The following CYB5D1 variants were observed in gnomAD, a reference collection of about 807,000 sequenced individuals.
CYB5D1 encodes cytochrome b5 domain containing 1, also known as cytochrome b5 domain-containing protein 1.
In CYB5D1, 30 loss-of-function variants were observed where a neutral mutation model predicts 24.3. That is an observed-to-expected ratio of 1.23 (90% CI 0.92 to 1.67). The LOEUF (loss-of-function observed/expected upper bound fraction) is 1.67, where lower values mean the gene tolerates loss of function less well. CYB5D1 is among the 40% of genes most tolerant of loss of function. The pLI is 0.00. For missense variants in CYB5D1, 265 were observed against 296.7 expected (o/e 0.89, Z 0.79); for synonymous variants, 128 against 123.2 (o/e 1.04, Z -0.26).
rs1179321063 is a variant in CYB5D1 at position 7,860,895 on chromosome 17, G to A, written c.*1283G>A. The A allele has an allele frequency of 6.6e-6, 1 of 152,178 alleles. No homozygotes were observed. Among genetic ancestry groups the A allele is most frequent in the Non-Finnish European group, 1.5e-5 (1 of 68,048 alleles). 9.4% of individuals were successfully genotyped at this position (152,178 alleles called of 1,614,324 possible). On this transcript the variant is annotated 3_prime_UTR_variant, in exon 4 of 4. Transcript: ENST00000332439. Reference sequence around the variant, plus strand: ...TTTACTAACTTGAAGGAAAACTAGAGTGGGGAAAAGGCCGGCAAATTAGTG... The same window carrying A: ...TTTACTAACTTGAAGGAAAACTAGAATGGGGAAAAGGCCGGCAAATTAGTG...
rs773368286 is a variant in CYB5D1, at chr17:7,858,251, G to A, written c.117G>A (p.Leu39=). The A allele has an allele frequency of 1.2e-6, 2 of 1,614,074 alleles. No homozygotes were observed. The highest frequency in any genetic ancestry group is 2.2e-5 in the South Asian group (2 of 91,088). The part of the protein sequence containing the change: ...NRPEDLWVSY[L]GRVYDLTSLA... ...CCGAAGACCTCTGGGTATCTTACCT[G>A]GGACGCGTGTACGACCTAACGTCAT... The change falls in exon 1 of 4, where the codon CTG becomes CTA. Residue 39 remains leucine (L), a synonymous_variant. Coordinates refer to ENST00000332439, the MANE Select transcript of CYB5D1 (RefSeq NM_144607.6).
Position 7,859,503 on chromosome 17 carries a change from A to G in CYB5D1, c.578A>G (p.Glu193Gly), listed in dbSNP as rs765016870. 3 of 1,614,212 alleles carry G rather than the reference A, an allele frequency of 1.9e-6. No homozygotes were observed. The highest frequency in any genetic ancestry group is 2.5e-6 in the Non-Finnish European group (3 of 1,180,038). Residue 193 changes from glutamate to glycine, a missense_variant, in exon 4 of 4, where the codon GAG becomes GGG. Glu to Gly is a moderately conservative substitution (Grantham distance 98, BLOSUM62 -2). Transcript: ENST00000332439. ...KNLNMDFTLEENGIRDEEEEF... is the reference protein window; with the variant it reads ...KNLNMDFTLEGNGIRDEEEEF... ...CTGAACATGGATTTTACCCTGGAAG[A>G]GAATGGGATCCGGGATGAGGAGGAA...
At chr17:7,859,212 C>T (rs1266727015) in intron 3 of CYB5D1, 170 bp from the exon 4 acceptor site, 1 of 618,558 alleles carries the variant, frequency 1.6e-6, no homozygotes, top group African/African-American at 1.8e-5. Flanking sequence ...CCATTAAGAT[C>T]TGTAGGACTT....
Position 7,858,173 on chromosome 17 carries a change from G to A in CYB5D1, c.39G>A (p.Glu13=), listed in dbSNP as rs1277221026. Residue 13 remains glutamate (E), a synonymous_variant, in exon 1 of 4, where the codon GAG becomes GAA. Transcript: ENST00000332439. ...GCCTGGTGGCTGGGCCAGACTTGGA[G>A]TATTTTCAGCGTCGCTATTTCACGC... The part of the protein sequence containing the change: ...RRGLVAGPDL[E]YFQRRYFTPA... The A allele has an allele frequency of 3.1e-6, 5 of 1,613,876 alleles. No homozygotes were observed. The highest frequency in any genetic ancestry group is 2.2e-5 in the South Asian group (2 of 91,082).
chr17:7,860,395 G>A lies in CYB5D1; in HGVS notation c.*783G>A, dbSNP rs1567813994. 6.6e-6 allele frequency: 1 copy of A among 152,146 alleles called. No individual in the cohort carries two copies. Among genetic ancestry groups the A allele is most frequent in the African/African-American group, 2.4e-5 (1 of 41,402 alleles). The allele number at this position is 152,146 out of a possible 1,614,324, so 9.4% of individuals were successfully genotyped here. A position where few individuals can be genotyped will look rare whatever the true frequency, so the allele number is the denominator to read the frequency against. On this transcript the variant is annotated 3_prime_UTR_variant, in exon 4 of 4. Coordinates refer to ENST00000332439, the MANE Select transcript of CYB5D1 (RefSeq NM_144607.6). ...CCTCCTGGCCTCAAGTGATCCTCTT[G>A]CCTCAGCCTCCCAAATAGCCTCTTC...
At position 7,859,567 on chromosome 17, in the gene CYB5D1, A is replaced by T; in HGVS notation, c.642A>T (p.Thr214=). The change falls in exon 4 of 4, where the codon ACA becomes ACT. Residue 214 remains threonine, a synonymous_variant. Transcript: ENST00000332439. ...DYLSMDGTLH[T]PAILLYFNDD... The stretch of plus-strand genomic sequence containing the variant: ...TCAGTATGGACGGTACACTTCACAC[A>T]CCTGCAATACTTCTGTACTTCAATG... 6.2e-7 allele frequency: 1 copy of T among 1,614,160 alleles called. No homozygotes were observed.
At position 7,858,460 on chromosome 17, in the gene CYB5D1, T is replaced by C. The variant is rs145621608; in HGVS notation, c.218T>C (p.Phe73Ser). The change falls in exon 2 of 4, where the codon TTT (phenylalanine) becomes TCT (serine). Residue 73 changes from phenylalanine to serine, a missense_variant. Phe to Ser is a radical substitution (Grantham distance 155). Coordinates refer to ENST00000332439, the MANE Select transcript of CYB5D1 (RefSeq NM_144607.6). ...GCAGGCCAGGATATCAGCCACTGGT[T>C]TGATCCAAAGACCAGAGACGTGAGT... Reference protein sequence around the residue: ...EVAGQDISHWFDPKTRDIRKH... With the variant: ...EVAGQDISHWSDPKTRDIRKH... 1.7e-5 allele frequency: 28 copies of C among 1,614,100 alleles called. No homozygotes were observed. In the African/African-American group the frequency reaches 3.6e-4, roughly 21 times the overall value.
At position 7,859,433 on chromosome 17, in the gene CYB5D1, A is replaced by G; in HGVS notation, c.508A>G (p.Asn170Asp). 1 of 1,614,106 alleles carries G rather than the reference A, an allele frequency of 6.2e-7. No individual in the cohort carries two copies. The highest frequency in any genetic ancestry group is 8.5e-7 in the Non-Finnish European group (1 of 1,180,008). Residue 170 changes from asparagine to aspartate, a missense_variant, in exon 4 of 4, where the codon AAC (asparagine) becomes GAC (aspartate). Asn to Asp is a conservative substitution (Grantham distance 23). Coordinates refer to ENST00000332439, the MANE Select transcript of CYB5D1 (RefSeq NM_144607.6). ...AATCCTACACCGCTATCTCCCCTAT[A>G]ACTCACATGCTGCCAGCTACACGTG... ...WEILHRYLPY[N>D]SHAASYTWKY...
In CYB5D1 at chr17:7,859,688, TG is replaced by T; in HGVS notation, c.*80del. The stretch of plus-strand genomic sequence containing the variant: ...TTTTCTGTGCCTTGAGGAAAAGTGG[TG>T]GGGCCGAGGGGTGCCTGGACCCAGA... On this transcript the variant is annotated 3_prime_UTR_variant, in exon 4 of 4. Transcript: ENST00000332439. 7.1e-7 allele frequency: 1 copy of T among 1,407,088 alleles called. No homozygotes were observed. The highest frequency in any genetic ancestry group is 1.0e-6 in the Non-Finnish European group (1 of 1,002,072). 87.2% of individuals were successfully genotyped at this position (1,407,088 alleles called of 1,614,324 possible).
chr17:7,859,638 C>T lies in CYB5D1; in HGVS notation c.*26C>T. On this transcript the variant is annotated 3_prime_UTR_variant, in exon 4 of 4. Transcript: ENST00000332439. Reference sequence around the variant, plus strand: ...GCAAGGAGATGTACACTCGTGTAGACTCAAGACGTATTTCGAGTTTGGCTT... The same window carrying T: ...GCAAGGAGATGTACACTCGTGTAGATTCAAGACGTATTTCGAGTTTGGCTT... The T allele has an allele frequency of 6.2e-7, 1 of 1,603,878 alleles. No individual in the cohort carries two copies. Among genetic ancestry groups the T allele is most frequent in the Non-Finnish European group, 8.5e-7 (1 of 1,171,330 alleles).
chr17:7,858,662 C>T lies in CYB5D1; in HGVS notation c.294C>T (p.Gly98=). 6.2e-7 allele frequency: 1 copy of T among 1,609,928 alleles called. No homozygotes were observed. The highest frequency in any genetic ancestry group is 2.2e-5 in the East Asian group (1 of 44,822). Residue 98 remains glycine, a synonymous_variant, in exon 3 of 4, where the codon GGC becomes GGT. Coordinates refer to ENST00000332439, the MANE Select transcript of CYB5D1 (RefSeq NM_144607.6). ...TGCLRYCTPR[G]RFVHVPPQLP... is the part of the protein sequence containing the mutation. ...GCCTGAGGTACTGCACCCCGCGGGG[C>T]CGCTTTGTGCACGTTCCGCCTCAGC...
chr17:7,858,780 A>C lies in CYB5D1; in HGVS notation c.412A>C (p.Ile138Leu). 1 of 1,580,192 alleles carries C rather than the reference A, an allele frequency of 6.3e-7. No homozygotes were observed. Among genetic ancestry groups the C allele is most frequent in the East Asian group, 2.2e-5 (1 of 44,682 alleles). Residue 138 changes from isoleucine to leucine, a missense_variant, in exon 3 of 4, where the codon ATC becomes CTC. Physicochemically the swap from Ile to Leu is conservative, Grantham distance 5. Transcript: ENST00000332439. ...GCGGCTGTCTGCCAAGACCCGGAGC[A>C]TCCGCATCATTAACACGCTCACGTC... ...VGRLSAKTRSIRIINTLTSQE... is the reference protein window; with the variant it reads ...VGRLSAKTRSLRIINTLTSQE...
rs759210268 is a variant in CYB5D1, at chr17:7,858,146, G to A, written c.12G>A (p.Arg4=). The A allele has an allele frequency of 6.2e-7, 1 of 1,613,398 alleles. No homozygotes were observed. The highest frequency in any genetic ancestry group is 8.5e-7 in the Non-Finnish European group (1 of 1,179,910). The change falls in exon 1 of 4, where the codon CGG becomes CGA. Residue 4 remains arginine (R), a synonymous_variant. Transcript: ENST00000332439. MPR[R]GLVAGPDLEY... is the part of the protein sequence containing the mutation. ...ACAGAGCAAGAGCCATGCCGCGCCG[G>A]GGCCTGGTGGCTGGGCCAGACTTGG...
At position 7,858,295 on chromosome 17, in the gene CYB5D1, G is replaced by T; in HGVS notation, c.160+1G>T. The T allele has an allele frequency of 6.2e-7, 1 of 1,613,930 alleles. No homozygotes were observed. The highest frequency in any genetic ancestry group is 8.5e-7 in the Non-Finnish European group (1 of 1,179,906). On this transcript the variant is annotated splice_donor_variant, in intron 1 of 3. Transcript: ENST00000332439. LOFTEE classifies it high-confidence loss of function. ...ACGTCATTGGCACAGGAATACAAGG[G>T]TAAGGGCCACACGTTGGGCCGGGGC...
At position 7,859,447 on chromosome 17, in the gene CYB5D1, C is replaced by T; in HGVS notation, c.522C>T (p.Ala174=). The T allele has an allele frequency of 2.5e-6, 4 of 1,614,100 alleles. No individual in the cohort carries two copies. The highest frequency in any genetic ancestry group is 3.4e-6 in the Non-Finnish European group (4 of 1,180,028). ...HRYLPYNSHA[A]SYTWKYEGKN... ...ATCTCCCCTATAACTCACATGCTGC[C>T]AGCTACACGTGGAAATATGAAGGGA... Residue 174 remains alanine (A), a synonymous_variant, in exon 4 of 4, where the codon GCC becomes GCT. Coordinates refer to ENST00000332439, the MANE Select transcript of CYB5D1 (RefSeq NM_144607.6).
Position 7,858,170 on chromosome 17 carries a change from G to C in CYB5D1, c.36G>C (p.Leu12Phe). 6.2e-7 allele frequency: 1 copy of C among 1,613,748 alleles called. No individual in the cohort carries two copies. Among genetic ancestry groups the C allele is most frequent in the Non-Finnish European group, 8.5e-7 (1 of 1,179,982 alleles). The change falls in exon 1 of 4, where the codon TTG becomes TTC. Residue 12 changes from leucine (L) to phenylalanine (F), a missense_variant. Physicochemically the swap from Leu to Phe is conservative, Grantham distance 22. Transcript: ENST00000332439. ...PRRGLVAGPD[L>F]EYFQRRYFTP... Reference sequence around the variant, plus strand: ...GGGGCCTGGTGGCTGGGCCAGACTTGGAGTATTTTCAGCGTCGCTATTTCA... The same window carrying C: ...GGGGCCTGGTGGCTGGGCCAGACTTCGAGTATTTTCAGCGTCGCTATTTCA...
rs573135251 is a variant in CYB5D1 at position 7,859,036 on chromosome 17, T to C, written c.456+212T>C. The C allele has an allele frequency of 5.2e-4, 296 of 568,670 alleles. 1 individual carries two copies. The highest frequency in any genetic ancestry group is 5.2e-3 in the African/African-American group (276 of 53,574). 35.2% of individuals were successfully genotyped at this position (568,670 alleles called of 1,614,324 possible). A position where few individuals can be genotyped will look rare whatever the true frequency, so the allele number is the denominator to read the frequency against. On this transcript the variant is annotated intron_variant, in intron 3 of 3. Coordinates refer to ENST00000332439, the MANE Select transcript of CYB5D1 (RefSeq NM_144607.6). ...CACAGGGGGACAAGAGACTCCTTTA[T>C]AAGCCTGGGAACAGCAGTTCATGTA...
chr17:7,858,898 C>A (rs2078859482), intron 3 of CYB5D1, 74 bp downstream of exon 3: 1 of 1,352,458 alleles, frequency 7.4e-7, no homozygotes. Flanking sequence ...ATCTTCAGGG[C>A]AACATTTTTT....
At position 7,858,298 on chromosome 17, in the gene CYB5D1, A is replaced by AG; in HGVS notation, c.160+7dup. On this transcript the variant is annotated splice_donor_region_variant and intron_variant, in intron 1 of 3. Coordinates refer to ENST00000332439, the MANE Select transcript of CYB5D1 (RefSeq NM_144607.6). Reference sequence around the variant, plus strand: ...TCATTGGCACAGGAATACAAGGGTAAGGGCCACACGTTGGGCCGGGGCCGG... The same window carrying AG: ...TCATTGGCACAGGAATACAAGGGTAAGGGGCCACACGTTGGGCCGGGGCCGG... The AG allele has an allele frequency of 1.2e-6, 2 of 1,613,974 alleles. No homozygotes were observed. The highest frequency in any genetic ancestry group is 1.7e-6 in the Non-Finnish European group (2 of 1,179,950).
Sources: allele counts gnomAD v4.1 joint callset, GRCh38; gene constraint gnomAD v4.1.1; transcripts MANE v1.5; gene names NCBI Gene and HGNC (gene_info 2026-07-23, HGNC 2026-07-21).